Variants in ALK observed in about 807,000 individuals in gnomAD.
ALK encodes ALK tyrosine kinase receptor.
Under a neutral mutation model 163.1 loss-of-function variants are expected in ALK, and 74 were observed. The observed-to-expected ratio is 0.45, with a 90% CI of 0.38 to 0.55. The LOEUF (loss-of-function observed/expected upper bound fraction) is 0.55. Ranked by LOEUF, ALK falls within the 20% of genes least tolerant of loss-of-function variation. ALK has a pLI of 0.00. For missense variants in ALK, 2,063 were observed against 2,105.3 expected (o/e 0.98, Z 0.39); for synonymous variants, 960 against 843.2 (o/e 1.14, Z -2.40).
intron 4 of ALK, among the ~76,000 whole-genome samples, chr2:29,416,786 A>G (rs982136116): frequency 3.3e-5 from 5 of 152,094 alleles, no homozygotes; most frequent in African/African-American, 4.8e-5. Context: ...CAATAGCTAC[A>G]TGAGGTTGTG....
intron 2 of ALK, 71 bp downstream of exon 2, chr2:29,717,507 C>G (rs1428861643): frequency 3.8e-6 from 6 of 1,588,430 alleles, no homozygotes; most frequent in Non-Finnish European, 4.3e-6. Context: ...GAATCCCAAA[C>G]TGAAACTCAC....
intron 24 of ALK, among the ~76,000 whole-genome samples, chr2:29,213,214 GAA>G (rs1016363272): frequency 6.6e-6 from 1 of 152,194 alleles, no homozygotes; most frequent in African/African-American, 2.4e-5. Context: ...TGTCAGCTGA[GAA>G]AGTCATCAGC....
At chr2:29,237,513 T>C (rs1664416369) in intron 13 of ALK, among the ~76,000 whole-genome samples, 1 of 152,204 alleles carries the variant, frequency 6.6e-6, no homozygotes, top group Non-Finnish European at 1.5e-5. Context: ...TGGCCTTTGC[T>C]GGGGTCACTG....
intron 4 of ALK, among the ~76,000 whole-genome samples, chr2:29,495,862 T>A (rs931024995): frequency 6.6e-6 from 1 of 152,222 alleles, no homozygotes; most frequent in African/African-American, 2.4e-5. Flanking sequence ...TGCTGGCACA[T>A]CCAATGAATG....
intron 4 of ALK, among the ~76,000 whole-genome samples, chr2:29,467,822 A>G (rs1671249334): frequency 1.3e-5 from 2 of 152,238 alleles, no homozygotes; most frequent in African/African-American, 4.8e-5. Context: ...AAAATGTACA[A>G]CAACTCTTCT....
At chr2:29,416,201 G>A (rs1669873102) in intron 4 of ALK, among the ~76,000 whole-genome samples, 1 of 152,212 alleles carries the variant, frequency 6.6e-6, no homozygotes, top group African/African-American at 2.4e-5. Context: ...CAGGCCCGAA[G>A]GCTACATGTC....
chr2:29,459,564 A>ATT (rs200504187), intron 4 of ALK, among the ~76,000 whole-genome samples: 21 of 148,496 alleles, frequency 1.4e-4, no homozygotes, highest in African/African-American at 3.4e-4. Flanking sequence ...CTAGCTAATG[A>ATT]TTTTTTTTTT....
chr2:29,717,737 G>T, intron 1 of ALK, 40 bp from the exon 2 acceptor site: 4 of 1,613,654 alleles, frequency 2.5e-6, no homozygotes, highest in South Asian at 1.1e-5. Flanking sequence ...CCATGTGCTT[G>T]GGGTGTGTCT....
intron 1 of ALK, among the ~76,000 whole-genome samples, chr2:29,843,403 G>A (rs1367375742): frequency 6.6e-6 from 1 of 152,086 alleles, no homozygotes; most frequent in Non-Finnish European, 1.5e-5. Flanking sequence ...GGTTGCGAGG[G>A]TACCTGTGCA....
Position 29,855,354 on chromosome 2 carries a change from C to T in ALK, c.667+64639G>A, listed in dbSNP as rs188862983. The stretch of plus-strand genomic sequence containing the variant: ...CCCATGCTATTCCCACTGTACAGGG[C>T]TGCCACCCTGATGCACAAGTAACTC... On this transcript the variant is annotated intron_variant, in intron 1 of 28. Transcript: ENST00000389048. Among the ~76,000 whole-genome samples the T allele has an allele frequency of 1.3e-4, 20 of 152,256 alleles. 2 individuals carry two copies. The highest frequency in any genetic ancestry group is 3.6e-4 in the African/African-American group (15 of 41,556).
intron 26 of ALK, among the ~76,000 whole-genome samples, chr2:29,200,790 C>CGTATATATAT (rs1558608873): frequency 3.3e-5 from 2 of 61,246 alleles, no homozygotes; most frequent in Admixed American, 3.1e-4. Flanking sequence ...TATGTATATA[C>CGTATATATAT]ATGTATACAT....
chr2:29,409,834 T>C (rs572875748), intron 4 of ALK, among the ~76,000 whole-genome samples: 1 of 152,252 alleles, frequency 6.6e-6, no homozygotes, highest in South Asian at 2.1e-4. Context: ...GAGCTCAGGG[T>C]TCAAGGGTTC....
intron 4 of ALK, among the ~76,000 whole-genome samples, chr2:29,489,503 T>C (rs1671852033): frequency 6.6e-6 from 1 of 152,196 alleles, no homozygotes; most frequent in Admixed American, 6.5e-5. Context: ...TCTCCCAATG[T>C]TGCCCAGGCT....
At chr2:29,683,909 T>C (rs984191691) in intron 3 of ALK, among the ~76,000 whole-genome samples, 3 of 152,190 alleles carry the variant, frequency 2.0e-5, no homozygotes, top group Admixed American at 6.5e-5. Flanking sequence ...ATTATTTTGA[T>C]TGATTTTTAT....
chr2:29,556,153 C>T (rs4381746), intron 3 of ALK, among the ~76,000 whole-genome samples: 67,431 of 151,902 alleles, frequency 0.44, 15,375 homozygotes, highest in East Asian at 0.62. Flanking sequence ...TGGGAGATGC[C>T]GCAGCCTAGG....
At chr2:29,889,256 T>TATATATATACAC (rs1667070796) in intron 1 of ALK, among the ~76,000 whole-genome samples, 1 of 8,410 alleles carries the variant, frequency 1.2e-4, no homozygotes, top group South Asian at 1.7e-3. Flanking sequence ...TATATACACA[T>TATATATATACAC]ATATATATAT....
chr2:29,849,806 G>A (rs996467348), intron 1 of ALK, among the ~76,000 whole-genome samples: 2 of 152,142 alleles, frequency 1.3e-5, no homozygotes, highest in South Asian at 2.1e-4. Context: ...AGGGGAAGAA[G>A]GGGAGAGGAG....
At chr2:29,295,755 C>T (rs1221064855) in intron 9 of ALK, among the ~76,000 whole-genome samples, 1 of 152,144 alleles carries the variant, frequency 6.6e-6, no homozygotes, top group Non-Finnish European at 1.5e-5. Flanking sequence ...GCCCTCTGTC[C>T]TCATTTTTTG....
intron 4 of ALK, among the ~76,000 whole-genome samples, chr2:29,429,725 C>G (rs1298505070): frequency 1.3e-5 from 2 of 152,028 alleles, no homozygotes; most frequent in African/African-American, 2.4e-5. Context: ...AATTGACAAA[C>G]TGATCCTAAA....
Sources: allele counts gnomAD v4.1 joint callset (sites outside exome capture counted in the v4.1 genomes callset), GRCh38; gene constraint gnomAD v4.1.1; transcripts MANE v1.5; gene names NCBI Gene and HGNC (gene_info 2026-07-23, HGNC 2026-07-21).